CD37: variants seen among roughly 807,000 people sequenced by gnomAD.
The protein encoded by CD37 is CD37 molecule.
A neutral mutation model predicts 38.9 loss-of-function variants in CD37; 37 were observed. The observed-to-expected ratio is 0.95, with a 90% CI of 0.73 to 1.25. The LOEUF (loss-of-function observed/expected upper bound fraction) is 1.25. Ranked by LOEUF, CD37 falls within the 50% of genes most tolerant of loss-of-function variation. CD37 has a pLI of 0.00. For missense variants in CD37, 351 were observed against 360.1 expected (o/e 0.97, Z 0.20); for synonymous variants, 146 against 150.1 (o/e 0.97, Z 0.20).
Position 49,338,126 on chromosome 19 carries a change from A to G in CD37, c.447+97A>G. ...CAACGTGGGCCCGACCCCCAGCTCT[A>G]CGATCCTAACACACCCCAATCCCTC... On this transcript the variant is annotated intron_variant, in intron 5 of 7. Coordinates refer to ENST00000323906, the MANE Select transcript of CD37 (RefSeq NM_001774.3). This position sits in a 1 kb window ranked among gnomAD's most constrained non-coding sequence, Gnocchi z 5.0. 2 of 1,517,044 alleles carry G rather than the reference A, an allele frequency of 1.3e-6. No homozygotes were observed. Among genetic ancestry groups the G allele is most frequent in the South Asian group, 1.3e-5 (1 of 78,800 alleles). The allele number at this position is 1,517,044 out of a possible 1,614,324, so 94.0% of individuals were successfully genotyped here.
Position 49,338,965 on chromosome 19 carries a change from T to C in CD37, c.684+29T>C, listed in dbSNP as rs766352558. The C allele has an allele frequency of 4.6e-6, 7 of 1,516,578 alleles. No individual in the cohort carries two copies. In the Admixed American group the frequency reaches 6.7e-5, roughly 15 times the overall value. The allele number at this position is 1,516,578 out of a possible 1,614,324, so 93.9% of individuals were successfully genotyped here. A position where few individuals can be genotyped will look rare whatever the true frequency, so the allele number is the denominator to read the frequency against. On this transcript the variant is annotated intron_variant, in intron 6 of 7. Transcript: ENST00000323906. The surrounding 1 kb of genome is among the most constrained non-coding windows in gnomAD (Gnocchi z 5.0). Reference sequence around the variant, plus strand: ...GGCAGGGGTTCGGAGCATAAACCTGTCGAATGGGGCGGGGCCTGCGGGAGG... The same window carrying C: ...GGCAGGGGTTCGGAGCATAAACCTGCCGAATGGGGCGGGGCCTGCGGGAGG...
At position 49,340,246 on chromosome 19, in the gene CD37, T is replaced by C. The variant is rs1568553017; in HGVS notation, c.769-5T>C. On this transcript the variant is annotated splice_polypyrimidine_tract_variant and splice_region_variant and intron_variant, in intron 7 of 7. Transcript: ENST00000323906. The stretch of plus-strand genomic sequence containing the variant: ...CTTCTCTGACCTCATCTCCTTTCTC[T>C]ATAGCTCGGGTTCATGACGCTCTCG... 1 of 1,610,044 alleles carries C rather than the reference T, an allele frequency of 6.2e-7. No individual in the cohort carries two copies. Among genetic ancestry groups the C allele is most frequent in the Non-Finnish European group, 8.5e-7 (1 of 1,177,450 alleles).
intron 7 of CD37, chr19:49,340,020 C>T (rs1330134030): frequency 4.1e-6 from 6 of 1,473,058 alleles, no homozygotes; most frequent in Non-Finnish European, 5.4e-6. Flanking sequence ...GGCTTGCTTC[C>T]GACCTTACTC....
intron 2 of CD37, 40 bp from the exon 3 acceptor site, chr19:49,336,869 G>GGCACACAGGAGC: frequency 6.2e-7 from 1 of 1,609,968 alleles, no homozygotes; most frequent in Admixed American, 1.7e-5. Flanking sequence ...GCCTGGAGCT[G>GGCACACAGGAGC]TGCCACACAG....
chr19:49,339,027 C>A lies in CD37; in HGVS notation c.684+91C>A. The A allele has an allele frequency of 2.9e-6, 3 of 1,025,332 alleles. No homozygotes were observed. The highest frequency in any genetic ancestry group is 1.9e-5 in the Admixed American group (1 of 52,144). 63.5% of individuals were successfully genotyped at this position (1,025,332 alleles called of 1,614,324 possible). ...CAGTGAGTAGCGGCCTGAGAAAGGGCGGGGTCTACGAGAAAAGGAAAGGTA... is the reference window on the plus strand; with the variant it reads ...CAGTGAGTAGCGGCCTGAGAAAGGGAGGGGTCTACGAGAAAAGGAAAGGTA... On this transcript the variant is annotated intron_variant, in intron 6 of 7. Coordinates refer to ENST00000323906, the MANE Select transcript of CD37 (RefSeq NM_001774.3). This position sits in a 1 kb window ranked among gnomAD's most constrained non-coding sequence, Gnocchi z 4.5.
chr19:49,336,909 G>A lies in CD37; in HGVS notation c.143G>A (p.Gly48Asp), dbSNP rs761398616. 3.7e-6 allele frequency: 6 copies of A among 1,614,048 alleles called. No homozygotes were observed. Among genetic ancestry groups the A allele is most frequent in the Non-Finnish European group, 5.1e-6 (6 of 1,179,926 alleles). The part of the protein sequence containing the change: ...IDKTSFVSFV[G>D]LAFVPLQIWS... ...TCATCACTCCCCTCACCTCTCCCAG[G>A]CTTGGCCTTCGTGCCTCTGCAGATC... The change falls in exon 3 of 8, where the codon GGC becomes GAC. Residue 48 changes from glycine (G) to aspartate (D), a missense_variant and splice_region_variant. By Grantham distance (94) the Gly-to-Asp change is moderately conservative. Coordinates refer to ENST00000323906, the MANE Select transcript of CD37 (RefSeq NM_001774.3).
chr19:49,337,045 A>G lies in CD37; in HGVS notation c.267+12A>G, dbSNP rs781752310. The G allele has an allele frequency of 2.5e-6, 4 of 1,613,064 alleles. No individual in the cohort carries two copies. Among genetic ancestry groups the G allele is most frequent in the Non-Finnish European group, 3.4e-6 (4 of 1,179,378 alleles). On this transcript the variant is annotated intron_variant, in intron 3 of 7. Transcript: ENST00000323906. Reference sequence around the variant, plus strand: ...GCCTCCTGGGCCTGGTGAGTGCACCATCCCTCTCCGTCCCTAGGAACACTC... The same window carrying G: ...GCCTCCTGGGCCTGGTGAGTGCACCGTCCCTCTCCGTCCCTAGGAACACTC...
Position 49,335,792 on chromosome 19 carries a change from G to C in CD37, c.142+6G>C. On this transcript the variant is annotated splice_donor_region_variant and intron_variant, in intron 2 of 7. Transcript: ENST00000323906. The surrounding 1 kb of genome is among the most constrained non-coding windows in gnomAD (Gnocchi z 4.6). The stretch of plus-strand genomic sequence containing the variant: ...CAGCTTCGTGTCCTTTGTGGGTGAG[G>C]GGGGCTGGGGCAGGTGGGAGGGCCT... 1 of 1,609,966 alleles carries C rather than the reference G, an allele frequency of 6.2e-7. No homozygotes were observed. The highest frequency in any genetic ancestry group is 1.1e-5 in the South Asian group (1 of 91,000).
Position 49,339,338 on chromosome 19 carries a change from G to T in CD37, c.693G>T (p.Ala231=). 6.2e-7 allele frequency: 1 copy of T among 1,613,858 alleles called. No individual in the cohort carries two copies. Among genetic ancestry groups the T allele is most frequent in the Non-Finnish European group, 8.5e-7 (1 of 1,179,808 alleles). ...TTCCCTACACCCCCCAGGGCTGCGC[G>T]CAGGGCCTCCAGAAGTGGCTGCACA... is the stretch of plus-strand genomic sequence containing the variant. ...AESHIYREGC[A]QGLQKWLHNN... The change falls in exon 7 of 8, where the codon GCG becomes GCT. Residue 231 remains alanine (A), a synonymous_variant. Transcript: ENST00000323906. The surrounding 1 kb of genome is among the most constrained non-coding windows in gnomAD (Gnocchi z 4.5).
In CD37 at chr19:49,337,999, C is replaced by G. The variant is rs1971023985; in HGVS notation, c.417C>G (p.Ala139=). Residue 139 remains alanine (A), a synonymous_variant, in exon 5 of 8, where the codon GCC becomes GCG. Transcript: ENST00000323906. The stretch of plus-strand genomic sequence containing the variant: ...GCACCAACCCCGAGGAGACCGCGGC[C>G]GAGGAGAGCTGGGACTATGTGCAGT... ...KYGTNPEETA[A]EESWDYVQFQ... is the part of the protein sequence containing the mutation. The G allele has an allele frequency of 6.2e-7, 1 of 1,613,870 alleles. No individual in the cohort carries two copies.
In CD37 at chr19:49,339,418, T is replaced by C. The variant is rs1422579242; in HGVS notation, c.768+5T>C. ...CTGGGCGTCGGCCTACTCGAGGTGA[T>C]CTGGCCCCGCCCCCACCCGCGATCG... On this transcript the variant is annotated splice_donor_5th_base_variant and intron_variant, in intron 7 of 7. Coordinates refer to ENST00000323906, the MANE Select transcript of CD37 (RefSeq NM_001774.3). The surrounding 1 kb of genome is among the most constrained non-coding windows in gnomAD (Gnocchi z 4.5). 1.9e-6 allele frequency: 3 copies of C among 1,612,996 alleles called. No individual in the cohort carries two copies. Among genetic ancestry groups the C allele is most frequent in the Non-Finnish European group, 2.5e-6 (3 of 1,179,302 alleles).
At position 49,340,496 on chromosome 19, in the gene CD37, G is replaced by A. The variant is rs1391784750; in HGVS notation, c.*168G>A. 1 of 653,454 alleles carries A rather than the reference G, an allele frequency of 1.5e-6. No individual in the cohort carries two copies. The allele number at this position is 653,454 out of a possible 1,614,324, so 40.5% of individuals were successfully genotyped here. A position where few individuals can be genotyped will look rare whatever the true frequency, so the allele number is the denominator to read the frequency against. ...CCCTGCTGCTGTCACCTCTCCCACG[G>A]GACCTGGGGCTTTCGTCCACAGCTT... On this transcript the variant is annotated 3_prime_UTR_variant, in exon 8 of 8. Transcript: ENST00000323906.
chr19:49,337,235 A>G lies in CD37; in HGVS notation c.342+14A>G, dbSNP rs776493497. 6.2e-7 allele frequency: 1 copy of G among 1,612,162 alleles called. No individual in the cohort carries two copies. The highest frequency in any genetic ancestry group is 8.5e-7 in the Non-Finnish European group (1 of 1,178,356). ...CAGCGGGCCCAGGTGAGCTTCCTGC[A>G]GTGGCCACCACCCACCCCCAGCAGG... On this transcript the variant is annotated intron_variant, in intron 4 of 7. Coordinates refer to ENST00000323906, the MANE Select transcript of CD37 (RefSeq NM_001774.3).
chr19:49,337,784 T>C, intron 4 of CD37, 141 bp from the exon 5 acceptor site: 1 of 1,544,046 alleles, frequency 6.5e-7, no homozygotes, highest in Non-Finnish European at 8.7e-7. Flanking sequence ...AAGACAGACC[T>C]GAAGTACACA....
At chr19:49,336,670 AG>A in intron 2 of CD37, 1 of 489,172 alleles carries the variant, frequency 2.0e-6, no homozygotes, top group East Asian at 3.6e-5. Flanking sequence ...GACGAGGAGG[AG>A]CTGAAGGAGG....
Position 49,339,772 on chromosome 19 carries a change from G to T in CD37, c.768+359G>T. 1 of 1,363,252 alleles carries T rather than the reference G, an allele frequency of 7.3e-7. No individual in the cohort carries two copies. Among genetic ancestry groups the T allele is most frequent in the Non-Finnish European group, 9.4e-7 (1 of 1,059,392 alleles). The allele number at this position is 1,363,252 out of a possible 1,614,324, so 84.4% of individuals were successfully genotyped here. On this transcript the variant is annotated intron_variant, in intron 7 of 7. Coordinates refer to ENST00000323906, the MANE Select transcript of CD37 (RefSeq NM_001774.3). The surrounding 1 kb of genome is among the most constrained non-coding windows in gnomAD (Gnocchi z 4.5). ...CCCCGGGCCCAGCCTGATCGCTGAC[G>T]GCGGCGGCGGGCACAGCGGCAGTCT...
intron 3 of CD37, 42 bp downstream of exon 3, chr19:49,337,075 C>A (rs1406561778): frequency 6.2e-7 from 1 of 1,613,908 alleles, no homozygotes; most frequent in Non-Finnish European, 8.5e-7. Context: ...ACACTCCTAT[C>A]CCCACCCTCA....
At position 49,338,661 on chromosome 19, in the gene CD37, C is replaced by A; in HGVS notation, c.448-39C>A. The stretch of plus-strand genomic sequence containing the variant: ...TCCCCTGATCCCCAACATCATATGT[C>A]TCCAGTCCCGGTCCCTCTGACTCGT... On this transcript the variant is annotated intron_variant, in intron 5 of 7. Transcript: ENST00000323906. The surrounding 1 kb of genome is among the most constrained non-coding windows in gnomAD (Gnocchi z 5.0). The A allele has an allele frequency of 6.8e-7, 1 of 1,463,000 alleles. No homozygotes were observed. Among genetic ancestry groups the A allele is most frequent in the Non-Finnish European group, 9.5e-7 (1 of 1,051,244 alleles). 90.6% of individuals were successfully genotyped at this position (1,463,000 alleles called of 1,614,324 possible).
intron 2 of CD37, chr19:49,336,705 G>A (rs1184112872): frequency 7.1e-6 from 4 of 564,800 alleles, no homozygotes; most frequent in Non-Finnish European, 1.3e-5. Context: ...GAGGAAGAGA[G>A]ACAGAGATCC....
Sources: gnomAD v4.1 joint callset for allele counts on GRCh38, gnomAD v4.1.1 for gene constraint, Gnocchi (gnomAD v3.1) non-coding constraint, MANE v1.5 for transcripts, NCBI Gene and HGNC (gene_info 2026-07-23, HGNC 2026-07-21) for gene names.